PPFIBP2: variants seen among roughly 807,000 people sequenced by gnomAD.
PPFIBP2 encodes the protein liprin-beta-2.
PPFIBP2 carries 118 observed loss-of-function variants against 118.3 expected under a neutral mutation model. The observed-to-expected ratio is 1.00, with a 90% CI of 0.86 to 1.16. The LOEUF (loss-of-function observed/expected upper bound fraction) is 1.16, where lower values mean the gene tolerates loss of function less well. Ranked by LOEUF, PPFIBP2 falls within the 50% of genes most tolerant of loss-of-function variation. The probability of loss-of-function intolerance (pLI) is 0.00; values close to 1 mark genes in which losing one functional copy is unlikely to be tolerated. For missense variants in PPFIBP2, 1,195 were observed against 1,073.1 expected (o/e 1.11, Z -1.59); for synonymous variants, 414 against 397.4 (o/e 1.04, Z -0.50).
intron 2 of PPFIBP2, among the ~76,000 whole-genome samples, chr11:7,551,083 G>C (rs1187504718): frequency 1.3e-5 from 2 of 151,888 alleles, no homozygotes; most frequent in African/African-American, 4.8e-5. Context: ...TATTAGTTCT[G>C]TCCCTCTGGA....
intron 2 of PPFIBP2, among the ~76,000 whole-genome samples, chr11:7,562,949 A>T (rs1484815753): frequency 3.2e-4 from 10 of 31,146 alleles, no homozygotes; most frequent in African/African-American, 2.4e-3. Context: ...ATATATATAT[A>T]TATATATATA....
At chr11:7,586,635 A>T (rs1858256157) in intron 3 of PPFIBP2, among the ~76,000 whole-genome samples, 1 of 152,198 alleles carries the variant, frequency 6.6e-6, no homozygotes, top group African/African-American at 2.4e-5. Context: ...CCTACTTGAG[A>T]TTACACATGG....
At chr11:7,634,895 T>C (rs78018325) in intron 13 of PPFIBP2, among the ~76,000 whole-genome samples, 3,175 of 152,062 alleles carry the variant, frequency 0.021, 96 homozygotes, top group African/African-American at 0.072. Context: ...CCAGGGAAGA[T>C]CTTGACTACT....
At chr11:7,636,269 G>A (rs1444261679) in intron 14 of PPFIBP2, among the ~76,000 whole-genome samples, 1 of 128,664 alleles carries the variant, frequency 7.8e-6, no homozygotes, top group African/African-American at 3.6e-5. Flanking sequence ...CTGCCTGAGA[G>A]GGTCATTTTA....
chr11:7,545,331 G>A (rs559055463), intron 1 of PPFIBP2, among the ~76,000 whole-genome samples: 1 of 152,274 alleles, frequency 6.6e-6, no homozygotes, highest in East Asian at 1.9e-4. Context: ...TTAGGAGGAT[G>A]AGGCACAAGA....
intron 2 of PPFIBP2, among the ~76,000 whole-genome samples, chr11:7,557,433 G>C (rs1254651257): frequency 6.6e-6 from 1 of 150,800 alleles, no homozygotes; most frequent in African/African-American, 2.4e-5. Context: ...CTAAGTAAAA[G>C]GCTTTCAATA....
intron 3 of PPFIBP2, chr11:7,573,822 G>GT (rs1554957255): frequency 1.3e-5 from 2 of 152,278 alleles, no homozygotes; most frequent in Non-Finnish European, 2.9e-5. Context: ...TGGCCCAGAG[G>GT]TGAAGGCTCA....
At chr11:7,537,463 A>G (rs1483520390) in intron 1 of PPFIBP2, among the ~76,000 whole-genome samples, 1 of 152,200 alleles carries the variant, frequency 6.6e-6, no homozygotes, top group African/African-American at 2.4e-5. Context: ...ATCTTGATCT[A>G]TTGTGAATGG....
At chr11:7,622,434 A>G (rs371807546) in intron 7 of PPFIBP2, among the ~76,000 whole-genome samples, 25 of 152,176 alleles carry the variant, frequency 1.6e-4, no homozygotes, top group African/African-American at 6.0e-4. Context: ...TCTCTATCTC[A>G]GTGTCTCTGT....
chr11:7,663,957 C>G, the PPFIBP2 span, among the ~76,000 whole-genome samples: 6 of 152,114 alleles, frequency 3.9e-5, no homozygotes, highest in South Asian at 2.1e-4. Context: ...AGGGAACTCC[C>G]TGACCCCTTG....
chr11:7,658,085 G>T (rs1333721961), downstream of PPFIBP2, among the ~76,000 whole-genome samples: 1 of 152,236 alleles, frequency 6.6e-6, no homozygotes, highest in African/African-American at 2.4e-5. Flanking sequence ...TTTCAAACAA[G>T]ACTCTGCCAA....
At chr11:7,665,073 T>C in the PPFIBP2 span, 1 of 212,862 alleles carries the variant, frequency 4.7e-6, no homozygotes, top group Non-Finnish European at 9.4e-6. Flanking sequence ...GCCTAGCACG[T>C]CCCCCACAGA....
intron 6 of PPFIBP2, among the ~76,000 whole-genome samples, chr11:7,620,635 A>G (rs926975413): frequency 6.6e-6 from 1 of 152,046 alleles, no homozygotes; most frequent in Non-Finnish European, 1.5e-5. Context: ...GCCTGCCTAT[A>G]CTCATGTGTG....
At chr11:7,610,263 T>C (rs1847903671) in intron 5 of PPFIBP2, 28 bp from the exon 6 acceptor site, 2 of 1,609,844 alleles carry the variant, frequency 1.2e-6, no homozygotes, top group Middle Eastern at 1.6e-4. Context: ...TAGTGGTTTC[T>C]GATTTCGAGA....
At chr11:7,524,005 T>C (rs1849998088) in intron 1 of PPFIBP2, among the ~76,000 whole-genome samples, 3 of 152,216 alleles carry the variant, frequency 2.0e-5, no homozygotes, top group African/African-American at 7.2e-5. Context: ...GTGACTGCAC[T>C]GATTATCCCA....
chr11:7,653,689 A>G lies in PPFIBP2; in HGVS notation c.*471A>G, dbSNP rs184909572. 9,423 of 1,286,668 alleles carry G rather than the reference A, an allele frequency of 7.3e-3. 49 individuals are homozygous for G. The highest frequency in any genetic ancestry group is 7.8e-3 in the Non-Finnish European group (7,696 of 987,938). 79.7% of individuals were successfully genotyped at this position (1,286,668 alleles called of 1,614,324 possible). On this transcript the variant is annotated 3_prime_UTR_variant, in exon 24 of 24. Transcript: ENST00000299492. Reference sequence around the variant, plus strand: ...GGACTTCTGCCACAGTGACAATGGAATTGTGTTGTGCCTTACTTCAGAGGT... The same window carrying G: ...GGACTTCTGCCACAGTGACAATGGAGTTGTGTTGTGCCTTACTTCAGAGGT...
intron 14 of PPFIBP2, among the ~76,000 whole-genome samples, chr11:7,637,338 A>T (rs1299839792): frequency 6.6e-6 from 1 of 152,206 alleles, no homozygotes; most frequent in South Asian, 2.1e-4. Flanking sequence ...CTAGATTGCT[A>T]TTTCTTTAGG....
intron 3 of PPFIBP2, among the ~76,000 whole-genome samples, chr11:7,579,256 C>A (rs371039690): frequency 6.6e-6 from 1 of 152,164 alleles, no homozygotes; most frequent in Admixed American, 6.5e-5. Flanking sequence ...GCAGCCTGGT[C>A]TTGAACCCTG....
At position 7,629,451 on chromosome 11, in the gene PPFIBP2, T is replaced by C; in HGVS notation, c.889-8T>C. ...CATTAATCTAAATCTCTACTTGCAC[T>C]ATGGCAGGACCGTCGGATAGAGGAG... is the stretch of plus-strand genomic sequence containing the variant. On this transcript the variant is annotated splice_region_variant and splice_polypyrimidine_tract_variant and intron_variant, in intron 9 of 23. Coordinates refer to ENST00000299492, the MANE Select transcript of PPFIBP2 (RefSeq NM_003621.5). The C allele has an allele frequency of 6.2e-7, 1 of 1,613,624 alleles. No individual in the cohort carries two copies. The highest frequency in any genetic ancestry group is 8.5e-7 in the Non-Finnish European group (1 of 1,179,540).
Sources: allele counts gnomAD v4.1 joint callset (sites outside exome capture counted in the v4.1 genomes callset), GRCh38; gene constraint gnomAD v4.1.1; transcripts MANE v1.5; gene names NCBI Gene and HGNC (gene_info 2026-07-23, HGNC 2026-07-21).